TMEM132C: variants seen among roughly 807,000 people sequenced by gnomAD.
The protein encoded by TMEM132C is protein phosphatase 1, regulatory subunit 152.
In TMEM132C, 29 loss-of-function variants were observed where a neutral mutation model predicts 61.4. The observed-to-expected ratio is 0.47, with a 90% confidence interval of 0.35 to 0.64. The LOEUF is 0.64. TMEM132C is among the 30% of genes least tolerant of loss of function. The pLI, the probability that TMEM132C is intolerant of heterozygous loss-of-function variation, is 0.00. For missense variants in TMEM132C, 1,408 were observed against 1,476.9 expected, an observed-to-expected ratio of 0.95 and a Z score of 0.76; for synonymous variants, 656 against 633.1, an observed-to-expected ratio of 1.04 and a Z score of -0.54.
At chr12:128,652,536 A>G (rs1954282246) in intron 4 of TMEM132C, among the ~76,000 whole-genome samples, 1 of 152,248 alleles carries the variant, frequency 6.6e-6, no homozygotes, top group African/African-American at 2.4e-5. Flanking sequence ...CGGAACACAG[A>G]GTTCTCGGAG....
chr12:128,444,352 T>C (rs1869900710), intron 2 of TMEM132C, among the ~76,000 whole-genome samples: 2 of 152,150 alleles, frequency 1.3e-5, no homozygotes, highest in African/African-American at 4.8e-5. Context: ...AGCTGTGCCT[T>C]TTTATTCCCC....
chr12:128,512,985 T>C (rs1411407506), intron 2 of TMEM132C, among the ~76,000 whole-genome samples: 1 of 152,110 alleles, frequency 6.6e-6, no homozygotes, highest in Non-Finnish European at 1.5e-5. Flanking sequence ...CCGCTGTCCG[T>C]GTAAAGCTGA....
At chr12:128,407,333 C>A (rs1875378583) in intron 1 of TMEM132C, among the ~76,000 whole-genome samples, 1 of 152,192 alleles carries the variant, frequency 6.6e-6, no homozygotes, top group African/African-American at 2.4e-5. Flanking sequence ...ACTGAGAATC[C>A]ATTAAACCTC....
At chr12:128,389,103 C>T (rs1874684638) in intron 1 of TMEM132C, among the ~76,000 whole-genome samples, 1 of 152,146 alleles carries the variant, frequency 6.6e-6, no homozygotes, top group African/African-American at 2.4e-5. Context: ...AGGGGGTTGG[C>T]AGCCTGAGCT....
intron 1 of TMEM132C, among the ~76,000 whole-genome samples, chr12:128,389,492 TTC>T (rs984705754): frequency 1.3e-5 from 2 of 152,172 alleles, no homozygotes; most frequent in Admixed American, 6.5e-5. Flanking sequence ...CATGCCTGCA[TTC>T]TGTTTTCTCC....
chr12:128,338,086 CTT>C (rs3996468), intron 1 of TMEM132C, among the ~76,000 whole-genome samples: 5,628 of 144,566 alleles, frequency 0.039, 110 homozygotes, highest in African/African-American at 0.059. Context: ...TTACATCTGG[CTT>C]TTTTTTTTTT....
chr12:128,420,086 C>G (rs1304897283), intron 2 of TMEM132C, among the ~76,000 whole-genome samples: 3 of 152,036 alleles, frequency 2.0e-5, no homozygotes, highest in African/African-American at 4.8e-5. Flanking sequence ...ATCCCAGCTA[C>G]TTGGGAGGCT....
chr12:128,681,369 C>G (rs1027634655), intron 5 of TMEM132C, among the ~76,000 whole-genome samples: 1 of 152,090 alleles, frequency 6.6e-6, no homozygotes, highest in Admixed American at 6.6e-5. Context: ...TGGGTCTGGG[C>G]TGGTGAAGAT....
intron 2 of TMEM132C, among the ~76,000 whole-genome samples, chr12:128,507,806 G>A (rs945982867): frequency 6.6e-6 from 1 of 152,182 alleles, no homozygotes; most frequent in African/African-American, 2.4e-5. Context: ...AGACTTCTCT[G>A]TGAGTAATCA....
In TMEM132C at chr12:128,705,226, C is replaced by G. The variant is rs1295748130; in HGVS notation, c.2258C>G (p.Pro753Arg). Residue 753 changes from proline to arginine, a missense_variant, in exon 9 of 9, where the codon CCC becomes CGC. By Grantham distance (103) the Pro-to-Arg change is moderately radical (BLOSUM62 -2). Transcript: ENST00000435159. ...GTGTCAGTCCCCCAGCCCCGCTCTCCCAGGTGGCCCGTTGTGGTGGCCGAA... is the reference window on the plus strand; with the variant it reads ...GTGTCAGTCCCCCAGCCCCGCTCTCGCAGGTGGCCCGTTGTGGTGGCCGAA... ...AVVSVPQPRS[P>R]RWPVVVAEGE... The G allele has an allele frequency of 1.9e-6, 3 of 1,551,610 alleles. No homozygotes were observed. The highest frequency in any genetic ancestry group is 4.9e-5 in the East Asian group (2 of 40,924).
intron 4 of TMEM132C, among the ~76,000 whole-genome samples, chr12:128,658,520 T>C (rs965897651): frequency 6.6e-6 from 1 of 152,160 alleles, no homozygotes; most frequent in African/African-American, 2.4e-5. Context: ...TCTTTTTTTT[T>C]TTCCTGTTCA....
At chr12:128,583,072 T>C (rs1875405279) in intron 3 of TMEM132C, among the ~76,000 whole-genome samples, 1 of 152,238 alleles carries the variant, frequency 6.6e-6, no homozygotes, top group African/African-American at 2.4e-5. Flanking sequence ...TTTTACTCAC[T>C]GCAGTATTAT....
At chr12:128,547,709 G>T (rs1296910083) in intron 3 of TMEM132C, among the ~76,000 whole-genome samples, 1 of 152,184 alleles carries the variant, frequency 6.6e-6, no homozygotes, top group Non-Finnish European at 1.5e-5. Flanking sequence ...GGTAAGACAG[G>T]GAACCTAGGG....
At chr12:128,517,488 G>T (rs1872758737) in intron 2 of TMEM132C, among the ~76,000 whole-genome samples, 1 of 152,014 alleles carries the variant, frequency 6.6e-6, no homozygotes, top group South Asian at 2.1e-4. Flanking sequence ...AGTCTTTAGG[G>T]GTGATTTATA....
chr12:128,276,894 G>GCGCACACACACACA (rs1555249413), intron 1 of TMEM132C, among the ~76,000 whole-genome samples: 10 of 149,930 alleles, frequency 6.7e-5, no homozygotes, highest in East Asian at 2.0e-4. Context: ...GTGCGTGCAT[G>GCGCACACACACACA]CACACACACA....
At chr12:128,460,091 G>A (rs1482000172) in intron 2 of TMEM132C, among the ~76,000 whole-genome samples, 2 of 152,084 alleles carry the variant, frequency 1.3e-5, no homozygotes, top group Non-Finnish European at 2.9e-5. Flanking sequence ...ATTTCCCAGT[G>A]AATTCTGCAG....
At chr12:128,591,902 A>G (rs1456602062) in intron 3 of TMEM132C, among the ~76,000 whole-genome samples, 2 of 152,014 alleles carry the variant, frequency 1.3e-5, no homozygotes, top group East Asian at 3.9e-4. Context: ...AAATACAAAA[A>G]TTAGCCAGGC....
intron 2 of TMEM132C, among the ~76,000 whole-genome samples, chr12:128,509,348 A>G (rs1284506133): frequency 2.0e-5 from 3 of 152,198 alleles, no homozygotes; most frequent in Admixed American, 6.5e-5. Context: ...AGAGTATGCA[A>G]TGAGGCAGGG....
intron 4 of TMEM132C, among the ~76,000 whole-genome samples, chr12:128,624,625 A>G (rs1460311544): frequency 1.3e-5 from 2 of 151,432 alleles, no homozygotes; most frequent in African/African-American, 4.9e-5. Context: ...GTACTCAGAA[A>G]CCTTTGCTTG....
Sources: gnomAD v4.1 joint callset for allele counts (sites outside exome capture counted in the v4.1 genomes callset) on GRCh38, gnomAD v4.1.1 for gene constraint, MANE v1.5 for transcripts, NCBI Gene and HGNC (gene_info 2026-07-23, HGNC 2026-07-21) for gene names.